Variants in MCOLN2 observed in about 807,000 individuals in gnomAD.
MCOLN2 encodes the protein mucolipin-2.
A neutral mutation model predicts 67.5 loss-of-function variants in MCOLN2; 57 were observed. The observed-to-expected ratio is 0.84, with a 90% CI of 0.68 to 1.05. MCOLN2 has a LOEUF of 1.05. Ranked by LOEUF, MCOLN2 falls within the 50% of genes least tolerant of loss-of-function variation. MCOLN2 has a pLI of 0.00. For missense variants in MCOLN2, 620 were observed against 678.8 expected (o/e 0.91, Z 0.96); for synonymous variants, 246 against 233.3 (o/e 1.05, Z -0.50).
At chr1:84,955,151 C>T (rs761851755) in intron 4 of MCOLN2, among the ~76,000 whole-genome samples, 18 of 152,178 alleles carry the variant, frequency 1.2e-4, no homozygotes, top group Non-Finnish European at 2.4e-4. Context: ...ACTTCTCCTT[C>T]CTGCCACCAT....
chr1:84,966,259 T>A (rs2102859633), intron 1 of MCOLN2, among the ~76,000 whole-genome samples: 1 of 151,896 alleles, frequency 6.6e-6, no homozygotes, highest in East Asian at 1.9e-4. Flanking sequence ...CTCAAAAAAA[T>A]TAAAATTTAA....
rs761858073 is a variant in MCOLN2 at position 84,958,543 on chromosome 1, A to G, written c.397T>C (p.Phe133Leu). 1 of 1,602,380 alleles carries G rather than the reference A, an allele frequency of 6.2e-7. No individual in the cohort carries two copies. The highest frequency in any genetic ancestry group is 1.8e-5 in the Admixed American group (1 of 55,970). ...TQEDAYESIF[F>L]AINQYHQLKD... ...AAAACACTTGCCTGATTAATAGCAA[A>G]AAAGATGCTCTCATAGGCATCCTCT... Residue 133 changes from phenylalanine to leucine, a missense_variant, in exon 3 of 14, where the codon TTT becomes CTT. Phe to Leu is a conservative substitution (Grantham distance 22). Transcript: ENST00000370608.
At chr1:84,983,718 C>T (rs755569406) in intron 1 of MCOLN2, among the ~76,000 whole-genome samples, 1 of 150,830 alleles carries the variant, frequency 6.6e-6, no homozygotes, top group African/African-American at 2.4e-5. Flanking sequence ...GCCCTGTCAC[C>T]CAGGCTGGAG....
chr1:84,941,019 T>G (rs2102816526), intron 7 of MCOLN2, 28 bp from the exon 8 acceptor site: 1 of 1,390,162 alleles, frequency 7.2e-7, no homozygotes, highest in Non-Finnish European at 1.0e-6. Flanking sequence ...ATTCAAATGT[T>G]AAACACACCT....
Position 84,938,045 on chromosome 1 carries a change from C to T in MCOLN2, c.1148G>A (p.Gly383Glu), listed in dbSNP as rs746779517. Residue 383 changes from glycine (G) to glutamate (E), a missense_variant, in exon 10 of 14, where the codon GGA becomes GAA. Gly to Glu is a moderately conservative substitution (Grantham distance 98). Transcript: ENST00000370608. The stretch of plus-strand genomic sequence containing the variant: ...AACCCAAACCAAGAGCGTAGAGGTT[C>T]CAAGAAAAATGCTGCAGAGATCATA... ...TNYDLCSIFL[G>E]TSTLLVWVGV... 9.9e-6 allele frequency: 16 copies of T among 1,613,432 alleles called. No homozygotes were observed. The highest frequency in any genetic ancestry group is 1.2e-5 in the Non-Finnish European group (14 of 1,179,788).
At chr1:84,983,912 T>G (rs1322709976) in intron 1 of MCOLN2, among the ~76,000 whole-genome samples, 3 of 152,042 alleles carry the variant, frequency 2.0e-5, no homozygotes, top group African/African-American at 7.2e-5. Flanking sequence ...CCTGACCTTA[T>G]GTCCACCCAC....
At chr1:84,963,061 A>G (rs1391777921) in intron 2 of MCOLN2, among the ~76,000 whole-genome samples, 2 of 152,236 alleles carry the variant, frequency 1.3e-5, no homozygotes, top group Non-Finnish European at 2.9e-5. Flanking sequence ...GTCTGAGAAG[A>G]GTACAGACTC....
At chr1:84,941,811 G>A (rs1647803306) in intron 7 of MCOLN2, among the ~76,000 whole-genome samples, 1 of 152,198 alleles carries the variant, frequency 6.6e-6, no homozygotes, top group African/African-American at 2.4e-5. Flanking sequence ...TTCTCTGTAT[G>A]TAGAGAAAAT....
chr1:84,956,696 C>T, intron 3 of MCOLN2, 112 bp from the exon 4 acceptor site: 2 of 802,192 alleles, frequency 2.5e-6, no homozygotes, highest in Non-Finnish European at 3.8e-6. Context: ...CATCATGGCT[C>T]TCAATAGAAC....
chr1:84,992,760 C>A (rs371343497), intron 1 of MCOLN2, among the ~76,000 whole-genome samples: 3 of 81,816 alleles, frequency 3.7e-5, no homozygotes, highest in South Asian at 4.7e-4. Flanking sequence ...TCTAAAAAAA[C>A]CACCTTAATT....
intron 7 of MCOLN2, among the ~76,000 whole-genome samples, chr1:84,945,073 A>G (rs1279951491): frequency 9.0e-6 from 1 of 111,082 alleles, no homozygotes; most frequent in East Asian, 1.9e-4. Flanking sequence ...GTAAATCTTA[A>G]AAGAGCTTTT....
At chr1:84,994,603 A>G (rs1651056740) in intron 1 of MCOLN2, among the ~76,000 whole-genome samples, 1 of 152,178 alleles carries the variant, frequency 6.6e-6, no homozygotes, top group Non-Finnish European at 1.5e-5. Flanking sequence ...CTGCAGCTTC[A>G]TTACCTCTCT....
In MCOLN2 at chr1:84,996,900, T is replaced by G. The variant is rs775897361; in HGVS notation, c.-28A>C. 3.1e-6 allele frequency: 5 copies of G among 1,601,234 alleles called. No homozygotes were observed. In the East Asian group the frequency reaches 1.1e-4, roughly 36 times the overall value. ...CTCCTCCTTCAAAACTTTCCAGGGC[T>G]CTCGGGATTCGGAACAGGAAACACC... On this transcript the variant is annotated 5_prime_UTR_variant, in exon 1 of 14. Transcript: ENST00000370608.
chr1:84,947,281 T>C (rs778619745), intron 6 of MCOLN2, 149 bp from the exon 7 acceptor site: 5 of 593,004 alleles, frequency 8.4e-6, no homozygotes, highest in Non-Finnish European at 1.5e-5. Context: ...TAGAATTACT[T>C]GACACTCATT....
At chr1:84,946,911 T>C in intron 7 of MCOLN2, 122 bp downstream of exon 7, 1 of 591,186 alleles carries the variant, frequency 1.7e-6, no homozygotes, top group East Asian at 2.7e-5. Flanking sequence ...TTACAGGATC[T>C]AATGCTCGAG....
In MCOLN2 at chr1:84,941,261, C is replaced by G. The variant is rs375158990; in HGVS notation, c.848-270G>C. Among the ~76,000 whole-genome samples, 4 of 152,162 alleles carry G rather than the reference C, an allele frequency of 2.6e-5. No individual in the cohort carries two copies. In the East Asian group the frequency reaches 7.7e-4, roughly 29 times the overall value. Reference sequence around the variant, plus strand: ...CCTGTAATCCCAGCACTTTGGGAGGCTGAGGTGGGCGGATCACGAGGTCAG... The same window carrying G: ...CCTGTAATCCCAGCACTTTGGGAGGGTGAGGTGGGCGGATCACGAGGTCAG... On this transcript the variant is annotated intron_variant, in intron 7 of 13. Coordinates refer to ENST00000370608, the MANE Select transcript of MCOLN2 (RefSeq NM_153259.4).
rs1178011614 is a variant in MCOLN2, at chr1:84,987,415, T to G, written c.77+9381A>C. Among the ~76,000 whole-genome samples the G allele has an allele frequency of 3.6e-5, 5 of 138,642 alleles. No individual in the cohort carries two copies. The South Asian group carries it at 6.5e-4, about 18-fold the overall frequency. The allele number at this position is 138,642 out of a possible 152,430, so 91.0% of individuals were successfully genotyped here. Reference sequence around the variant, plus strand: ...ATATGTATATAGATATATTTATATATGTATATACCTATATACGTATATAGA... The same window carrying G: ...ATATGTATATAGATATATTTATATAGGTATATACCTATATACGTATATAGA... On this transcript the variant is annotated intron_variant, in intron 1 of 13. Coordinates refer to ENST00000370608, the MANE Select transcript of MCOLN2 (RefSeq NM_153259.4).
chr1:84,956,423 T>C lies in MCOLN2; in HGVS notation c.565+8A>G. On this transcript the variant is annotated splice_region_variant and intron_variant, in intron 4 of 13. Transcript: ENST00000370608. Reference sequence around the variant, plus strand: ...TAAAGGTACATCATGAAATTATCACTGCATTACCGAGCTCAACGTCGTTGT... The same window carrying C: ...TAAAGGTACATCATGAAATTATCACCGCATTACCGAGCTCAACGTCGTTGT... 1 of 1,608,986 alleles carries C rather than the reference T, an allele frequency of 6.2e-7. No homozygotes were observed. Among genetic ancestry groups the C allele is most frequent in the Non-Finnish European group, 8.5e-7 (1 of 1,178,484 alleles).
At chr1:84,964,158 T>C (rs910555133) in intron 2 of MCOLN2, among the ~76,000 whole-genome samples, 5 of 152,202 alleles carry the variant, frequency 3.3e-5, no homozygotes, top group Non-Finnish European at 5.9e-5. Context: ...ATCTCAACCT[T>C]GTTGTTTCTT....
Sources: gnomAD v4.1 joint callset for allele counts (sites outside exome capture counted in the v4.1 genomes callset) on GRCh38, gnomAD v4.1.1 for gene constraint, MANE v1.5 for transcripts, NCBI Gene and HGNC (gene_info 2026-07-23, HGNC 2026-07-21) for gene names.